Variants in CEP43 observed in about 807,000 individuals in gnomAD.
The protein encoded by CEP43 is FGFR1 oncogene partner.
In CEP43, 36 loss-of-function variants were observed where a neutral mutation model predicts 52.6. The observed-to-expected ratio is 0.68, with a 90% CI of 0.52 to 0.90. The LOEUF (loss-of-function observed/expected upper bound fraction) is 0.90, where lower values mean the gene tolerates loss of function less well. Ranked by LOEUF, CEP43 falls within the 40% of genes least tolerant of loss-of-function variation. The probability of loss-of-function intolerance (pLI) is 0.00; values close to 1 mark genes in which losing one functional copy is unlikely to be tolerated. For missense variants in CEP43, 506 were observed against 472.8 expected (o/e 1.07, Z -0.65); for synonymous variants, 192 against 172.4 (o/e 1.11, Z -0.89).
Position 167,041,828 on chromosome 6 carries a change from TGCGGGGG to T in CEP43, c.*1859_*1865del. ...GTCAGCACTACATACATCTTTTTTT[TGCGGGGG>T]GCGGGGGGGACAGAGTCTCACTGTG... is the stretch of plus-strand genomic sequence containing the variant. On this transcript the variant is annotated 3_prime_UTR_variant, in exon 13 of 13. Coordinates refer to ENST00000366847, the MANE Select transcript of CEP43 (RefSeq NM_007045.4). 52 of 160,462 alleles carry T rather than the reference TGCGGGGG, an allele frequency of 3.2e-4. No individual in the cohort carries two copies. The highest frequency in any genetic ancestry group is 3.6e-4 in the Non-Finnish European group (50 of 140,546). 9.9% of individuals were successfully genotyped at this position (160,462 alleles called of 1,614,324 possible).
At chr6:167,031,045 AT>A (rs1297653948) in intron 10 of CEP43, among the ~76,000 whole-genome samples, 5 of 151,760 alleles carry the variant, frequency 3.3e-5, no homozygotes, top group East Asian at 1.9e-4. Flanking sequence ...TGGTTTTTAC[AT>A]TTTTTTTGAG....
chr6:167,049,580 A>G lies in CEP43; in HGVS notation c.*9602A>G, dbSNP rs1780843815. The G allele has an allele frequency of 6.6e-6, 1 of 152,258 alleles. No homozygotes were observed. The highest frequency in any genetic ancestry group is 2.1e-4 in the South Asian group (1 of 4,832). 9.4% of individuals were successfully genotyped at this position (152,258 alleles called of 1,614,324 possible). A position where few individuals can be genotyped will look rare whatever the true frequency, so the allele number is the denominator to read the frequency against. On this transcript the variant is annotated 3_prime_UTR_variant, in exon 13 of 13. Coordinates refer to ENST00000366847, the MANE Select transcript of CEP43 (RefSeq NM_007045.4). Reference sequence around the variant, plus strand: ...TTGTTTCCTAACAATACTCCATTGTAGGGATTGACCACACTTTATCCATTC... The same window carrying G: ...TTGTTTCCTAACAATACTCCATTGTGGGGATTGACCACACTTTATCCATTC...
chr6:167,037,572 C>T (rs1780608627), intron 12 of CEP43, among the ~76,000 whole-genome samples: 1 of 152,206 alleles, frequency 6.6e-6, no homozygotes, highest in Admixed American at 6.5e-5. Context: ...GATAGTTTTA[C>T]AGCAGGACTA....
intron 9 of CEP43, chr6:167,025,270 T>A (rs931757762): frequency 6.4e-6 from 1 of 155,072 alleles, no homozygotes; most frequent in Non-Finnish European, 1.4e-5. Context: ...GATACCACAG[T>A]AAGTATCATA....
At position 167,013,382 on chromosome 6, in the gene CEP43, A is replaced by C. The variant is rs77957971; in HGVS notation, c.520-126A>C. 2.6e-4 allele frequency: 183 copies of C among 698,794 alleles called. No homozygotes were observed. In the East Asian group the frequency reaches 5.3e-3, roughly 20 times the overall value. The allele number at this position is 698,794 out of a possible 1,614,324, so 43.3% of individuals were successfully genotyped here. On this transcript the variant is annotated intron_variant, in intron 6 of 12. Transcript: ENST00000366847. The stretch of plus-strand genomic sequence containing the variant: ...GGACCAAAAAAAGCAGGCCTCACAG[A>C]ACATATTAACTAGATGTTCCACTTC...
rs1780709266 is a variant in CEP43 at position 167,041,973 on chromosome 6, AC to A, written c.*1997del. Reference sequence around the variant, plus strand: ...TGAGTAGCTGGGATTACAGGTGCACACCACCACGCCCGGCTAATTTTTGTAT... The same window carrying A: ...TGAGTAGCTGGGATTACAGGTGCACACACCACGCCCGGCTAATTTTTGTAT... On this transcript the variant is annotated 3_prime_UTR_variant, in exon 13 of 13. Coordinates refer to ENST00000366847, the MANE Select transcript of CEP43 (RefSeq NM_007045.4). The A allele has an allele frequency of 2.5e-6, 1 of 399,348 alleles. No homozygotes were observed. Among genetic ancestry groups the A allele is most frequent in the Non-Finnish European group, 3.4e-6 (1 of 290,314 alleles). 24.7% of individuals were successfully genotyped at this position (399,348 alleles called of 1,614,324 possible). A position where few individuals can be genotyped will look rare whatever the true frequency, so the allele number is the denominator to read the frequency against.
intron 5 of CEP43, among the ~76,000 whole-genome samples, chr6:167,007,870 C>T (rs1190489562): frequency 6.6e-6 from 1 of 152,210 alleles, no homozygotes; most frequent in Non-Finnish European, 1.5e-5. Context: ...CTCAATGGAT[C>T]ATTTTCATCT....
intron 12 of CEP43, among the ~76,000 whole-genome samples, chr6:167,038,193 T>G (rs1780622701): frequency 6.6e-6 from 1 of 152,256 alleles, no homozygotes; most frequent in Admixed American, 6.5e-5. Flanking sequence ...TAGGTTAACT[T>G]TCTAGTTTAC....
chr6:167,011,405 CG>C (rs1394268904), intron 6 of CEP43, among the ~76,000 whole-genome samples: 4 of 151,698 alleles, frequency 2.6e-5, no homozygotes, highest in Non-Finnish European at 5.9e-5. Context: ...TGCATGTGTG[CG>C]TCTGTTTGTG....
intron 12 of CEP43, among the ~76,000 whole-genome samples, chr6:167,037,943 C>T (rs1436746463): frequency 6.6e-6 from 1 of 152,154 alleles, no homozygotes; most frequent in African/African-American, 2.4e-5. Flanking sequence ...GTCCCCTGGT[C>T]TGTTGCCACA....
chr6:166,999,620 G>C (rs1277302055), intron 1 of CEP43, 106 bp downstream of exon 1: 10 of 811,210 alleles, frequency 1.2e-5, no homozygotes, highest in South Asian at 8.7e-5. Context: ...GCGAGGGACC[G>C]GGGCCGGCGG....
chr6:167,025,745 T>C (rs920465152), intron 9 of CEP43, among the ~76,000 whole-genome samples: 8 of 152,218 alleles, frequency 5.3e-5, no homozygotes, highest in African/African-American at 1.9e-4. Context: ...CATTTGCTTC[T>C]TTCCCGTGGT....
intron 10 of CEP43, among the ~76,000 whole-genome samples, chr6:167,030,230 C>T (rs996965248): frequency 6.6e-6 from 1 of 152,216 alleles, no homozygotes; most frequent in African/African-American, 2.4e-5. Flanking sequence ...ATTGCAGCCA[C>T]AGCCGTCCTC....
At chr6:167,017,286 C>T (rs1220709875) in intron 7 of CEP43, among the ~76,000 whole-genome samples, 2 of 152,192 alleles carry the variant, frequency 1.3e-5, no homozygotes, top group Non-Finnish European at 2.9e-5. Flanking sequence ...TGAGCCACCG[C>T]GCCTGGCCAA....
At chr6:167,020,754 C>T (rs162288) in intron 7 of CEP43, among the ~76,000 whole-genome samples, 3,182 of 151,910 alleles carry the variant, frequency 0.021, 103 homozygotes, top group African/African-American at 0.073. Context: ...ACTAAAAATA[C>T]AAAAATTAGC....
At position 167,041,200 on chromosome 6, in the gene CEP43, T is replaced by C. The variant is rs1780687874; in HGVS notation, c.*1222T>C. The C allele has an allele frequency of 2.9e-6, 3 of 1,047,984 alleles. No homozygotes were observed. In the African/African-American group the frequency reaches 5.0e-5, roughly 17 times the overall value. The allele number at this position is 1,047,984 out of a possible 1,614,324, so 64.9% of individuals were successfully genotyped here. ...TTAAGTGAGCAGACTGCATGACTTG[T>C]GTAATGCCAGTTTCTCATTTCATAT... On this transcript the variant is annotated 3_prime_UTR_variant, in exon 13 of 13. Transcript: ENST00000366847.
chr6:167,002,003 C>T (rs1266473546), intron 2 of CEP43, among the ~76,000 whole-genome samples: 5 of 152,138 alleles, frequency 3.3e-5, no homozygotes, highest in Admixed American at 2.6e-4. Context: ...AGGATCTCTC[C>T]TCTCCTTGTC....
chr6:167,031,641 C>T (rs1780473546), intron 10 of CEP43, among the ~76,000 whole-genome samples: 1 of 152,218 alleles, frequency 6.6e-6, no homozygotes, highest in Admixed American at 6.5e-5. Flanking sequence ...CTTTGAACGG[C>T]TCTCTGTCAT....
intron 9 of CEP43, among the ~76,000 whole-genome samples, chr6:167,025,567 A>G (rs1350403899): frequency 6.6e-6 from 1 of 152,262 alleles, no homozygotes; most frequent in Non-Finnish European, 1.5e-5. Context: ...AAAGTTTCCT[A>G]AAGTAGATTC....
Sources: gnomAD v4.1 joint callset for allele counts (sites outside exome capture counted in the v4.1 genomes callset) on GRCh38, gnomAD v4.1.1 for gene constraint, MANE v1.5 for transcripts, NCBI Gene and HGNC (gene_info 2026-07-23, HGNC 2026-07-21) for gene names.